Variants in CADM1 observed in about 807,000 individuals in gnomAD.
CADM1 encodes the protein TSLC-1.
Under a neutral mutation model 53.1 loss-of-function variants are expected in CADM1, and 15 were observed. The ratio of observed to expected loss-of-function variants is 0.28; its 90% CI spans 0.19 to 0.44. CADM1 has a LOEUF of 0.44. Among genes scored for constraint, CADM1 ranks in the 20% least tolerant of loss-of-function variants. CADM1 has a pLI of 1.00. For synonymous variants in CADM1, 281 were observed against 243.0 expected, an observed-to-expected ratio of 1.16 and a Z score of -1.45; for missense variants, 434 against 611.3, an observed-to-expected ratio of 0.71 and a Z score of 3.06.
intron 1 of CADM1, among the ~76,000 whole-genome samples, chr11:115,337,819 T>A (rs950621580): frequency 2.0e-5 from 3 of 152,174 alleles, no homozygotes; most frequent in Non-Finnish European, 4.4e-5. Flanking sequence ...CAGGAAACTT[T>A]TAATAGATAA....
At chr11:115,202,746 T>C (rs1029317570) in intron 8 of CADM1, among the ~76,000 whole-genome samples, 1 of 152,190 alleles carries the variant, frequency 6.6e-6, no homozygotes, top group African/African-American at 2.4e-5. Context: ...GTTTGTGTTA[T>C]GGAGGTGCTT....
chr11:115,420,989 A>G lies in CADM1; in HGVS notation c.124+83282T>C, dbSNP rs554370453. Among the ~76,000 whole-genome samples, 36 of 152,298 alleles carry G rather than the reference A, an allele frequency of 2.4e-4. No individual in the cohort carries two copies. In the South Asian group the frequency reaches 7.5e-3, roughly 32 times the overall value. On this transcript the variant is annotated intron_variant, in intron 1 of 11. Transcript: ENST00000331581. ...CATCCAGTGGAGCATTTTCTATGCA[A>G]ATGACTCACTTGTGCAGGGATGTTT...
At chr11:115,279,510 T>C (rs991591901) in intron 1 of CADM1, among the ~76,000 whole-genome samples, 3 of 152,244 alleles carry the variant, frequency 2.0e-5, no homozygotes, top group Admixed American at 2.0e-4. Flanking sequence ...CCCAGGGATT[T>C]GTACAATAGA....
intron 1 of CADM1, among the ~76,000 whole-genome samples, chr11:115,391,438 C>A (rs1946833200): frequency 1.3e-5 from 2 of 152,030 alleles, no homozygotes; most frequent in African/African-American, 4.8e-5. Context: ...GCTCCAAAAA[C>A]GAACTGCAAT....
At chr11:115,378,452 G>A (rs1946493206) in intron 1 of CADM1, among the ~76,000 whole-genome samples, 1 of 152,130 alleles carries the variant, frequency 6.6e-6, no homozygotes, top group Admixed American at 6.5e-5. Context: ...CACATTTCCT[G>A]CACTATGGAA....
At chr11:115,181,139 G>A (rs1321573602) in intron 10 of CADM1, among the ~76,000 whole-genome samples, 1 of 140,476 alleles carries the variant, frequency 7.1e-6, no homozygotes, top group Non-Finnish European at 1.5e-5. Flanking sequence ...TCCATGCCTA[G>A]ACACAGGAAT....
At chr11:115,292,000 G>T (rs966162644) in intron 1 of CADM1, among the ~76,000 whole-genome samples, 11 of 152,056 alleles carry the variant, frequency 7.2e-5, no homozygotes, top group Non-Finnish European at 1.3e-4. Flanking sequence ...TGGTATATTG[G>T]GAACCTATGG....
intron 9 of CADM1, among the ~76,000 whole-genome samples, chr11:115,192,558 C>A (rs1565288470): frequency 6.6e-6 from 1 of 152,106 alleles, no homozygotes; most frequent in Non-Finnish European, 1.5e-5. Context: ...TAAAGTACTC[C>A]TTTGTAGTTA....
intron 1 of CADM1, among the ~76,000 whole-genome samples, chr11:115,498,680 T>C (rs1370664742): frequency 1.3e-5 from 2 of 152,268 alleles, no homozygotes; most frequent in East Asian, 1.9e-4. Context: ...TTCTCTGGCC[T>C]CTGCCTTTGC....
intron 1 of CADM1, among the ~76,000 whole-genome samples, chr11:115,409,846 G>T (rs1215955180): frequency 6.6e-6 from 1 of 152,160 alleles, no homozygotes; most frequent in East Asian, 1.9e-4. Context: ...TGTAGTAGCT[G>T]CCTTGTTTAC....
intron 1 of CADM1, among the ~76,000 whole-genome samples, chr11:115,415,823 CAAAAAAAAAAAA>C (rs71066426): frequency 2.1e-4 from 9 of 43,702 alleles, no homozygotes; most frequent in South Asian, 2.5e-3. Context: ...AGACTGTCTC[CAAAAAAAAAAAA>C]AAAAAAAAAA....
intron 1 of CADM1, among the ~76,000 whole-genome samples, chr11:115,248,230 A>G (rs1429457011): frequency 1.3e-5 from 2 of 152,214 alleles, no homozygotes; most frequent in Non-Finnish European, 2.9e-5. Flanking sequence ...CACTGATTAG[A>G]TGGGTGAAAA....
intron 1 of CADM1, among the ~76,000 whole-genome samples, chr11:115,413,626 T>G (rs1249664768): frequency 6.6e-6 from 1 of 150,452 alleles, no homozygotes; most frequent in African/African-American, 2.5e-5. Context: ...TCCCAGGGAG[T>G]GTGGCTCCAG....
At chr11:115,332,950 T>G (rs1196761006) in intron 1 of CADM1, among the ~76,000 whole-genome samples, 1 of 152,030 alleles carries the variant, frequency 6.6e-6, no homozygotes, top group African/African-American at 2.4e-5. Context: ...AGCTGACATT[T>G]TCTCCCCAGG....
chr11:115,246,666 G>C (rs1016035570), intron 1 of CADM1, among the ~76,000 whole-genome samples: 1 of 152,168 alleles, frequency 6.6e-6, no homozygotes, highest in Non-Finnish European at 1.5e-5. Context: ...GCTCTTTCTA[G>C]ATAACACCTT....
chr11:115,496,498 A>C (rs1225902131), intron 1 of CADM1, among the ~76,000 whole-genome samples: 5 of 152,200 alleles, frequency 3.3e-5, no homozygotes, highest in African/African-American at 1.2e-4. Context: ...ATAAGAAATG[A>C]GGGCAATAGA....
chr11:115,281,548 G>A (rs1389581173), intron 1 of CADM1, among the ~76,000 whole-genome samples: 1 of 152,154 alleles, frequency 6.6e-6, no homozygotes, highest in Non-Finnish European at 1.5e-5. Context: ...TAAAAATCGT[G>A]TGATCCAGCT....
intron 1 of CADM1, among the ~76,000 whole-genome samples, chr11:115,431,425 T>C (rs1476020284): frequency 6.6e-6 from 1 of 152,106 alleles, no homozygotes; most frequent in African/African-American, 2.4e-5. Flanking sequence ...GTCCAGACAG[T>C]AGTTCTTTGT....
chr11:115,232,581 A>G (rs1312110331), intron 3 of CADM1, among the ~76,000 whole-genome samples: 2 of 152,236 alleles, frequency 1.3e-5, no homozygotes, highest in Non-Finnish European at 2.9e-5. Flanking sequence ...ATGTGATAAA[A>G]TGGTCAAAAT....
Sources: allele counts gnomAD v4.1 joint callset (sites outside exome capture counted in the v4.1 genomes callset), GRCh38; gene constraint gnomAD v4.1.1; transcripts MANE v1.5; gene names NCBI Gene and HGNC (gene_info 2026-07-23, HGNC 2026-07-21).